Variants in PRKG1 observed in about 807,000 individuals in gnomAD.
PRKG1 encodes the protein protein kinase cGMP-dependent 1.
In PRKG1, 35 loss-of-function variants were observed where a neutral mutation model predicts 88.1. That is an observed-to-expected ratio of 0.40 (90% CI 0.30 to 0.53). PRKG1 has a LOEUF of 0.53. Ranked by LOEUF, PRKG1 falls within the 20% of genes least tolerant of loss-of-function variation. PRKG1 has a pLI of 0.59. For synonymous variants in PRKG1, 303 were observed against 292.5 expected (o/e 1.04, Z -0.37); for missense variants, 540 against 839.8 (o/e 0.64, Z 4.41).
Position 51,956,176 on chromosome 10 carries a change from G to A in PRKG1, c.762+48606G>A, listed in dbSNP as rs115653508. Among the ~76,000 whole-genome samples the A allele has an allele frequency of 4.3e-3, 651 of 152,024 alleles. 6 individuals carry two copies. Among genetic ancestry groups the A allele is most frequent in the African/African-American group, 0.015 (621 of 41,494 alleles). On this transcript the variant is annotated intron_variant, in intron 5 of 17. Coordinates refer to ENST00000373980, the MANE Select transcript of PRKG1 (RefSeq NM_006258.4). ...CAAATGTCAGTAAAAATTTAATTGT[G>A]CTAGTATTTTTATTAGGATTATTAT...
intron 9 of PRKG1, among the ~76,000 whole-genome samples, chr10:52,225,071 T>C (rs1840358814): frequency 6.6e-6 from 1 of 152,042 alleles, no homozygotes. Context: ...CTGTTTTCCA[T>C]AGTGGCCGTA....
chr10:52,154,124 T>C (rs1445699670), intron 8 of PRKG1, among the ~76,000 whole-genome samples: 2 of 152,208 alleles, frequency 1.3e-5, no homozygotes, highest in Non-Finnish European at 2.9e-5. Flanking sequence ...GTTCTATCAA[T>C]TGCTCCTGTA....
At chr10:52,154,324 C>T (rs2132673430) in intron 8 of PRKG1, among the ~76,000 whole-genome samples, 1 of 152,152 alleles carries the variant, frequency 6.6e-6, no homozygotes, top group Admixed American at 6.6e-5. Flanking sequence ...AAATCTGTAC[C>T]CTGTTCAAAA....
chr10:51,891,762 T>A (rs1427726974), intron 4 of PRKG1, among the ~76,000 whole-genome samples: 1 of 152,198 alleles, frequency 6.6e-6, no homozygotes. Context: ...CAGACATAGA[T>A]AATACACCAG....
chr10:51,647,460 C>T (rs1288305915), intron 3 of PRKG1, among the ~76,000 whole-genome samples: 2 of 152,202 alleles, frequency 1.3e-5, no homozygotes, highest in Non-Finnish European at 2.9e-5. Flanking sequence ...TCCAAGGACA[C>T]TCCTGGCTAA....
At chr10:52,108,653 C>T (rs908049509) in intron 7 of PRKG1, among the ~76,000 whole-genome samples, 1 of 152,110 alleles carries the variant, frequency 6.6e-6, no homozygotes, top group African/African-American at 2.4e-5. Flanking sequence ...AGTAAAAAAT[C>T]CTAACACTGG....
At chr10:51,118,170 T>C (rs1367433983) in intron 1 of PRKG1, among the ~76,000 whole-genome samples, 1 of 152,180 alleles carries the variant, frequency 6.6e-6, no homozygotes, top group Non-Finnish European at 1.5e-5. Context: ...AGCAGCAATC[T>C]TTAGGTCAGT....
intron 3 of PRKG1, among the ~76,000 whole-genome samples, chr10:51,673,524 G>A (rs1242553343): frequency 6.6e-6 from 1 of 152,146 alleles, no homozygotes; most frequent in African/African-American, 2.4e-5. Flanking sequence ...GAAGGATCTT[G>A]TGAACCACTG....
At chr10:51,699,253 C>T (rs775011960) in intron 3 of PRKG1, 6 of 1,614,042 alleles carry the variant, frequency 3.7e-6, no homozygotes, top group Non-Finnish European at 5.1e-6. Flanking sequence ...TCTTTAACTC[C>T]TCCTTATTCT....
At chr10:51,293,452 A>G (rs779083120) in intron 2 of PRKG1, among the ~76,000 whole-genome samples, 2 of 152,108 alleles carry the variant, frequency 1.3e-5, no homozygotes, top group African/African-American at 2.4e-5. Context: ...ATTTCATTCT[A>G]TTCAAGGTGA....
At chr10:51,561,640 G>A (rs949165222) in intron 3 of PRKG1, among the ~76,000 whole-genome samples, 3 of 152,018 alleles carry the variant, frequency 2.0e-5, no homozygotes, top group Non-Finnish European at 2.9e-5. Context: ...GAGGAAGAAG[G>A]GGTGGGGAGA....
chr10:51,273,496 C>G (rs1047881491), intron 2 of PRKG1, among the ~76,000 whole-genome samples: 5 of 152,066 alleles, frequency 3.3e-5, no homozygotes, highest in African/African-American at 1.2e-4. Context: ...TGGGTTCCCA[C>G]CTGGGTGACA....
intron 9 of PRKG1, among the ~76,000 whole-genome samples, chr10:52,244,887 A>C (rs1840981371): frequency 9.8e-6 from 1 of 102,132 alleles, no homozygotes; most frequent in Non-Finnish European, 1.9e-5. Context: ...TATTTAAATA[A>C]TACTTTTTTA....
intron 9 of PRKG1, chr10:52,231,417 GAA>G (rs1413346165): frequency 1.3e-5 from 2 of 152,002 alleles, no homozygotes; most frequent in East Asian, 3.9e-4. Context: ...AAGAAAGAGA[GAA>G]AGAGAGAGAG....
intron 3 of PRKG1, among the ~76,000 whole-genome samples, chr10:51,760,866 G>A (rs1838003374): frequency 6.6e-6 from 1 of 152,154 alleles, no homozygotes; most frequent in Non-Finnish European, 1.5e-5. Flanking sequence ...TGTAATCTTA[G>A]CACCGCGGGA....
chr10:51,437,671 A>G (rs1453062171), intron 2 of PRKG1, among the ~76,000 whole-genome samples: 4 of 152,008 alleles, frequency 2.6e-5, no homozygotes, highest in South Asian at 4.1e-4. Flanking sequence ...TAAATATGGT[A>G]AGTAAATGAA....
intron 2 of PRKG1, among the ~76,000 whole-genome samples, chr10:51,294,988 G>T (rs187786552): frequency 1.3e-3 from 196 of 152,120 alleles, no homozygotes; most frequent in African/African-American, 4.5e-3. Flanking sequence ...GAGACTGAGG[G>T]GGGAGGATTG....
intron 9 of PRKG1, among the ~76,000 whole-genome samples, chr10:52,227,822 T>C (rs1192624620): frequency 6.6e-6 from 1 of 152,210 alleles, no homozygotes; most frequent in Non-Finnish European, 1.5e-5. Flanking sequence ...GAAGTTGCAC[T>C]GCACATGTGC....
At position 51,255,732 on chromosome 10, in the gene PRKG1, T is replaced by TTATGCC. The variant is rs1564657412; in HGVS notation, c.478+102403_478+102404insATGCCT. On this transcript the variant is annotated intron_variant, in intron 2 of 17. Coordinates refer to ENST00000373980, the MANE Select transcript of PRKG1 (RefSeq NM_006258.4). Reference sequence around the variant, plus strand: ...AGGCACTTTTATTAAATGGTTAGGCTTTATGCCAGAGATGAGCAAATACTG... The same window carrying TTATGCC: ...AGGCACTTTTATTAAATGGTTAGGCTTATGCCTTATGCCAGAGATGAGCAAATACTG... Among the ~76,000 whole-genome samples, 431 of 151,948 alleles carry TTATGCC rather than the reference T, an allele frequency of 2.8e-3. 1 individual carries two copies. Among genetic ancestry groups the TTATGCC allele is most frequent in the African/African-American group, 8.4e-3 (347 of 41,460 alleles).
Sources: allele counts gnomAD v4.1 joint callset (sites outside exome capture counted in the v4.1 genomes callset), GRCh38; gene constraint gnomAD v4.1.1; transcripts MANE v1.5; gene names NCBI Gene and HGNC (gene_info 2026-07-23, HGNC 2026-07-21).